EEA1: variants seen among roughly 807,000 people sequenced by gnomAD.
EEA1 encodes early endosome antigen 1, also known as early endosome antigen 1, 162kD.
In EEA1, 111 loss-of-function variants were observed where a neutral mutation model predicts 209.2. The ratio of observed to expected loss-of-function variants is 0.53; its 90% confidence interval spans 0.45 to 0.62. The LOEUF (loss-of-function observed/expected upper bound fraction) is 0.62. Ranked by LOEUF, EEA1 falls within the 20% of genes least tolerant of loss-of-function variation. The probability of loss-of-function intolerance (pLI) is 0.00; values close to 1 mark genes in which losing one functional copy is unlikely to be tolerated. For synonymous variants in EEA1, 536 were observed against 540.6 expected, an observed-to-expected ratio of 0.99 and a Z score of 0.12; for missense variants, 1,343 against 1,530.8, an observed-to-expected ratio of 0.88 and a Z score of 2.05.
At chr12:92,858,562 C>T in intron 3 of EEA1, 1 of 763,270 alleles carries the variant, frequency 1.3e-6, no homozygotes. Flanking sequence ...AGCATACAAG[C>T]TTAAAGCCAA....
chr12:92,803,994 T>C (rs951927815), intron 18 of EEA1, among the ~76,000 whole-genome samples: 1 of 152,164 alleles, frequency 6.6e-6, no homozygotes, highest in Admixed American at 6.5e-5. Flanking sequence ...TGTTTTTTTT[T>C]AAGTAACTAA....
chr12:92,827,193 C>A (rs1363571406), intron 12 of EEA1, among the ~76,000 whole-genome samples: 1 of 151,800 alleles, frequency 6.6e-6, no homozygotes, highest in Non-Finnish European at 1.5e-5. Context: ...CTGTCTCTAC[C>A]AAAAAATATA....
At chr12:92,925,856 T>G (rs889915640) in intron 1 of EEA1, among the ~76,000 whole-genome samples, 3 of 152,206 alleles carry the variant, frequency 2.0e-5, no homozygotes, top group Admixed American at 2.0e-4. Context: ...TCAAACACTT[T>G]GAGTTCTAAT....
At position 92,809,150 on chromosome 12, in the gene EEA1, C is replaced by G. The variant is rs1297619791; in HGVS notation, c.2206G>C (p.Glu736Gln). ...EELEGQIKKL[E>Q]ADSLEVKASK... ...GCTTTAACTTCAAGACTATCAGCTT[C>G]TAGTTTCTATGAAAGAAATATGATA... is the stretch of plus-strand genomic sequence containing the variant. Residue 736 changes from glutamate (E) to glutamine (Q), a missense_variant, in exon 18 of 29, where the codon GAA (glutamate) becomes CAA (glutamine). Coordinates refer to ENST00000322349, the MANE Select transcript of EEA1 (RefSeq NM_003566.4). The G allele has an allele frequency of 6.4e-7, 1 of 1,560,248 alleles. No individual in the cohort carries two copies. The highest frequency in any genetic ancestry group is 1.4e-5 in the African/African-American group (1 of 72,626).
At chr12:92,816,549 T>G (rs1875793786) in intron 14 of EEA1, 149 bp from the exon 15 acceptor site, 1 of 624,848 alleles carries the variant, frequency 1.6e-6, no homozygotes, top group African/African-American at 1.8e-5. Flanking sequence ...TGCCAAAATA[T>G]GTCAACATAG....
chr12:92,891,872 T>C (rs1879667348), intron 1 of EEA1, 151 bp from the exon 2 acceptor site: 1 of 540,888 alleles, frequency 1.8e-6, no homozygotes, highest in Non-Finnish European at 3.2e-6. Context: ...TGGAAGAGTG[T>C]ACCTAATGCT....
At chr12:92,810,480 A>C (rs1829090548) in intron 17 of EEA1, among the ~76,000 whole-genome samples, 1 of 152,090 alleles carries the variant, frequency 6.6e-6, no homozygotes, top group Non-Finnish European at 1.5e-5. Flanking sequence ...AGGAACCTAT[A>C]AACAGAATTG....
intron 13 of EEA1, chr12:92,821,091 T>A (rs1876032487): frequency 6.6e-6 from 1 of 152,182 alleles, no homozygotes; most frequent in Non-Finnish European, 1.5e-5. Flanking sequence ...TTAGTCTTTC[T>A]CTCAATCCCA....
Position 92,777,989 on chromosome 12 carries a change from T to C in EEA1, c.3845A>G (p.Glu1282Gly). The C allele has an allele frequency of 2.5e-6, 4 of 1,613,410 alleles. No homozygotes were observed. The highest frequency in any genetic ancestry group is 3.4e-6 in the Non-Finnish European group (4 of 1,179,528). ...ATCTTGATTATTCTGAACCGTTGCTTCTAATACTGCAATTTCACCCCGTAA... is the reference window on the plus strand; with the variant it reads ...ATCTTGATTATTCTGAACCGTTGCTCCTAATACTGCAATTTCACCCCGTAA... Reference protein sequence around the residue: ...DDLRGEIAVLEATVQNNQDER... With the variant: ...DDLRGEIAVLGATVQNNQDER... The change falls in exon 26 of 29, where the codon GAA (glutamate) becomes GGA (glycine). Residue 1282 changes from glutamate to glycine, a missense_variant. Physicochemically the swap from Glu to Gly is moderately conservative, Grantham distance 98. Transcript: ENST00000322349.
intron 3 of EEA1, among the ~76,000 whole-genome samples, chr12:92,864,584 C>G (rs987928965): frequency 6.6e-6 from 1 of 152,136 alleles, no homozygotes; most frequent in Admixed American, 6.6e-5. Flanking sequence ...ATATTACACA[C>G]AATATGCTAA....
At chr12:92,862,592 A>C (rs1259943325) in intron 3 of EEA1, among the ~76,000 whole-genome samples, 1 of 152,186 alleles carries the variant, frequency 6.6e-6, no homozygotes, top group Admixed American at 6.5e-5. Context: ...TCTCTAAAAA[A>C]AAAAGAAAAA....
chr12:92,785,603 T>G (rs1226417165), intron 22 of EEA1, among the ~76,000 whole-genome samples: 1 of 152,208 alleles, frequency 6.6e-6, no homozygotes, highest in Non-Finnish European at 1.5e-5. Context: ...TTTAAAAGCA[T>G]TTTATATAAA....
At position 92,798,921 on chromosome 12, in the gene EEA1, C is replaced by T. The variant is rs1874771414; in HGVS notation, c.2938G>A (p.Gly980Arg). The change falls in exon 21 of 29, where the codon GGA (glycine) becomes AGA (arginine). Residue 980 changes from glycine to arginine, a missense_variant. Around this residue, in one of 3 missense-constraint regions of EEA1, gnomAD observed 1,307 missense variants for 1,465.5 expected, o/e 0.89. Transcript: ENST00000322349. ...TGTAAAACAGCAATTTTAAGCTCTC[C>T]TTGGAGTGCTTCAATTTGTTTTTTC... The part of the protein sequence containing the change: ...QKKKQIEALQ[G>R]ELKIAVLQKT... 12 of 1,609,716 alleles carry T rather than the reference C, an allele frequency of 7.5e-6. No individual in the cohort carries two copies. Among genetic ancestry groups the T allele is most frequent in the Non-Finnish European group, 1.0e-5 (12 of 1,178,870 alleles).
chr12:92,886,242 C>CA (rs999741080), intron 2 of EEA1, among the ~76,000 whole-genome samples: 2 of 148,794 alleles, frequency 1.3e-5, no homozygotes, highest in Admixed American at 6.8e-5. Context: ...TGGCACATGC[C>CA]TATAATCTCA....
chr12:92,813,008 G>A lies in EEA1; in HGVS notation c.2015C>T (p.Ala672Val). Residue 672 changes from alanine (A) to valine (V), a missense_variant, in exon 16 of 29, where the codon GCT becomes GTT. By Grantham distance (64) the Ala-to-Val change is moderately conservative. Around this residue, in one of 3 missense-constraint regions of EEA1, gnomAD observed 1,307 missense variants for 1,465.5 expected, o/e 0.89. Coordinates refer to ENST00000322349, the MANE Select transcript of EEA1 (RefSeq NM_003566.4). ...CTGTTTATCTTGTAATGCATTTTGA[G>A]CTGTGTCCAAATGATTCTGAAGATC... is the stretch of plus-strand genomic sequence containing the variant. ...RADLQNHLDT[A>V]QNALQDKQQE... 1 of 1,592,328 alleles carries A rather than the reference G, an allele frequency of 6.3e-7. No homozygotes were observed. Among genetic ancestry groups the A allele is most frequent in the Non-Finnish European group, 8.6e-7 (1 of 1,165,214 alleles).
At chr12:92,822,849 A>C (rs1238810488) in intron 13 of EEA1, among the ~76,000 whole-genome samples, 1 of 152,080 alleles carries the variant, frequency 6.6e-6, no homozygotes, top group Non-Finnish European at 1.5e-5. Flanking sequence ...GCCTCAAGAC[A>C]CATCCTAAAC....
chr12:92,810,539 T>G (rs1242870680), intron 17 of EEA1, among the ~76,000 whole-genome samples: 1 of 152,160 alleles, frequency 6.6e-6, no homozygotes, highest in African/African-American at 2.4e-5. Flanking sequence ...GTACATATAT[T>G]CATTTCATGA....
intron 9 of EEA1, among the ~76,000 whole-genome samples, chr12:92,843,683 T>G (rs957597463): frequency 6.6e-6 from 1 of 152,190 alleles, no homozygotes; most frequent in African/African-American, 2.4e-5. Context: ...ATTTCTAATA[T>G]TGCTTATCGG....
chr12:92,837,613 G>C (rs1057274130), intron 10 of EEA1, among the ~76,000 whole-genome samples: 70 of 152,154 alleles, frequency 4.6e-4, no homozygotes, highest in African/African-American at 1.6e-3. Flanking sequence ...ACAGTTAATT[G>C]AGCTGTTTAA....
Sources: gnomAD v4.1 joint callset for allele counts (sites outside exome capture counted in the v4.1 genomes callset) on GRCh38, gnomAD v4.1.1 for gene constraint, gnomAD v4.1.1 regional missense constraint, MANE v1.5 for transcripts, NCBI Gene and HGNC (gene_info 2026-07-23, HGNC 2026-07-21) for gene names.